Variants in DDIT4L observed in about 807,000 individuals in gnomAD.
DDIT4L encodes DNA damage-inducible transcript 4-like protein.
Under a neutral mutation model 15.9 loss-of-function variants are expected in DDIT4L, and 13 were observed. The ratio of observed to expected loss-of-function variants is 0.82; its 90% CI spans 0.53 to 1.30. DDIT4L has a LOEUF of 1.30. Among genes scored for constraint, DDIT4L ranks in the 50% most tolerant of loss-of-function variants. The pLI, the probability that DDIT4L is intolerant of heterozygous loss-of-function variation, is 0.00. For missense variants in DDIT4L, 235 were observed against 224.8 expected, an observed-to-expected ratio of 1.05 and a Z score of -0.29; for synonymous variants, 82 against 85.4, an observed-to-expected ratio of 0.96 and a Z score of 0.22.
chr4:100,189,421 A>C (rs1416718855), intron 2 of DDIT4L, among the ~76,000 whole-genome samples: 2 of 152,216 alleles, frequency 1.3e-5, no homozygotes, highest in African/African-American at 2.4e-5. Context: ...GCGGGAAAGA[A>C]ACCAGACACA....
chr4:100,189,913 T>A lies in DDIT4L; in HGVS notation c.71A>T (p.His24Leu). ...SISELLDCGY[H>L]PESLLSDFDY... ...CTCACCACTTAGCAGGCTCTCTGGG[T>A]GATAGCCACAGTCCAGCAATTCTGA... The change falls in exon 2 of 3, where the codon CAC (histidine) becomes CTC (leucine). Residue 24 changes from histidine to leucine, a missense_variant. His to Leu is a moderately conservative substitution (Grantham distance 99). Transcript: ENST00000273990. 6.2e-7 allele frequency: 1 copy of A among 1,613,932 alleles called. No homozygotes were observed. Among genetic ancestry groups the A allele is most frequent in the Non-Finnish European group, 8.5e-7 (1 of 1,179,954 alleles).
At position 100,189,881 on chromosome 4, in the gene DDIT4L, G is replaced by T. The variant is rs1461640174; in HGVS notation, c.91+12C>A. The T allele has an allele frequency of 6.2e-6, 10 of 1,613,364 alleles. No individual in the cohort carries two copies. Among genetic ancestry groups the T allele is most frequent in the Non-Finnish European group, 8.5e-6 (10 of 1,179,638 alleles). On this transcript the variant is annotated intron_variant, in intron 2 of 2. Coordinates refer to ENST00000273990, the MANE Select transcript of DDIT4L (RefSeq NM_145244.4). The stretch of plus-strand genomic sequence containing the variant: ...TTGGGAGGGGAGAAGGGTGGACAGC[G>T]GGGACACTCACCACTTAGCAGGCTC...
rs11553154 is a variant in DDIT4L, at chr4:100,187,777, G to A, written c.482C>T (p.Ser161Phe). Residue 161 changes from serine (S) to phenylalanine (F), a missense_variant, in exon 3 of 3, where the codon TCC (serine) becomes TTC (phenylalanine). Ser to Phe is a radical substitution (Grantham distance 155). Coordinates refer to ENST00000273990, the MANE Select transcript of DDIT4L (RefSeq NM_145244.4). ...RDFFFSRGRF[S>F]SGFRRTLILS... ...GATCAGAGTTCTCCTGAAACCAGAGGAGAAGCGACCTCTACTAAAGAAAAA... is the reference window on the plus strand; with the variant it reads ...GATCAGAGTTCTCCTGAAACCAGAGAAGAAGCGACCTCTACTAAAGAAAAA... 14,339 of 1,612,798 alleles carry A rather than the reference G, an allele frequency of 8.9e-3. 102 individuals are homozygous for A. The highest frequency in any genetic ancestry group is 8.6e-3 in the Non-Finnish European group (10,140 of 1,179,796).
rs1457860644 is a variant in DDIT4L at position 100,188,154 on chromosome 4, C to T, written c.105G>A (p.Trp35Ter). 1.2e-6 allele frequency: 2 copies of T among 1,601,592 alleles called. No individual in the cohort carries two copies. Among genetic ancestry groups the T allele is most frequent in the African/African-American group, 2.7e-5 (2 of 74,398 alleles). Residue 35 changes from tryptophan to a stop codon, truncating the protein, a stop_gained, in exon 3 of 3, where the codon TGG becomes TGA. Transcript: ENST00000273990. LOFTEE classifies it high-confidence loss of function. ...GGTTGGGTTCAGGAACAACATAATC[C>T]CAGTAGTCAAAATCTGTAAGAAATG... ...PESLLSDFDY[W>*]DYVVPEPNLN...
chr4:100,190,265 G>T (rs1723494762), intron 1 of DDIT4L, 38 bp downstream of exon 1: 3 of 429,342 alleles, frequency 7.0e-6, no homozygotes, highest in Non-Finnish European at 1.3e-5. Flanking sequence ...AGCGCCCCCC[G>T]GCCCCGCTGC....
Position 100,188,009 on chromosome 4 carries a change from G to T in DDIT4L, c.250C>A (p.Leu84Met). Residue 84 changes from leucine (L) to methionine (M), a missense_variant, in exon 3 of 3, where the codon CTG (leucine) becomes ATG (methionine). Leu to Met is a conservative substitution (Grantham distance 15). Coordinates refer to ENST00000273990, the MANE Select transcript of DDIT4L (RefSeq NM_145244.4). ...ACATCTTGAGCAATTCTCTGGGTCA[G>T]TTTCTCAGGGACAAGGACCTTTGAG... is the stretch of plus-strand genomic sequence containing the variant. ...GCSKVLVPEK[L>M]TQRIAQDVLR... 1 of 1,614,172 alleles carries T rather than the reference G, an allele frequency of 6.2e-7. No homozygotes were observed.
Position 100,189,954 on chromosome 4 carries a change from C to G in DDIT4L, c.30G>C (p.Lys10Asn). 1 of 1,614,162 alleles carries G rather than the reference C, an allele frequency of 6.2e-7. No individual in the cohort carries two copies. Among genetic ancestry groups the G allele is most frequent in the Non-Finnish European group, 8.5e-7 (1 of 1,180,036 alleles). The part of the protein sequence containing the change: MVATGSLSS[K>N]NPASISELLD... ...GCAATTCTGAAATGCTGGCCGGGTT[C>G]TTGCTGCTCAAACTGCCAGTTGCAA... Residue 10 changes from lysine to asparagine, a missense_variant, in exon 2 of 3, where the codon AAG becomes AAC. By Grantham distance (94) the Lys-to-Asn change is moderately conservative. Coordinates refer to ENST00000273990, the MANE Select transcript of DDIT4L (RefSeq NM_145244.4).
At position 100,188,487 on chromosome 4, in the gene DDIT4L, C is replaced by T. The variant is rs146801403; in HGVS notation, c.92-320G>A. Among the ~76,000 whole-genome samples the T allele has an allele frequency of 3.8e-4, 58 of 152,308 alleles. No homozygotes were observed. In the East Asian group the frequency reaches 0.011, roughly 28 times the overall value. On this transcript the variant is annotated intron_variant, in intron 2 of 2. Transcript: ENST00000273990. ...GTGAAGACTATGCATCAAAAATCTA[C>T]TTGTGATTATCCCAGATTATTGGTG...
In DDIT4L at chr4:100,187,962, C is replaced by A; in HGVS notation, c.297G>T (p.Glu99Asp). The A allele has an allele frequency of 6.2e-7, 1 of 1,614,118 alleles. No homozygotes were observed. The highest frequency in any genetic ancestry group is 8.5e-7 in the Non-Finnish European group (1 of 1,180,028). The change falls in exon 3 of 3, where the codon GAG (glutamate) becomes GAT (aspartate). Residue 99 changes from glutamate to aspartate, a missense_variant. By Grantham distance (45) the Glu-to-Asp change is conservative (BLOSUM62 2). Coordinates refer to ENST00000273990, the MANE Select transcript of DDIT4L (RefSeq NM_145244.4). ...AQDVLRLSSTEPCGLRGCVMH... is the reference protein window; with the variant it reads ...AQDVLRLSSTDPCGLRGCVMH... ...TAACACAACCTCGCAAGCCGCAGGG[C>A]TCCGTTGAGGAAAGCCGCAGGACAT...
chr4:100,188,808 T>C (rs567454168), intron 2 of DDIT4L, among the ~76,000 whole-genome samples: 95 of 152,334 alleles, frequency 6.2e-4, no homozygotes, highest in African/African-American at 2.2e-3. Context: ...AATTAAAAAT[T>C]GTGCAGAGAA....
chr4:100,188,684 T>C (rs1031086952), intron 2 of DDIT4L, among the ~76,000 whole-genome samples: 5 of 152,214 alleles, frequency 3.3e-5, no homozygotes, highest in African/African-American at 1.2e-4. Flanking sequence ...TTTACTATTA[T>C]GTTTGAAGAG....
chr4:100,189,676 A>G (rs1171732697), intron 2 of DDIT4L, among the ~76,000 whole-genome samples: 1 of 152,380 alleles, frequency 6.6e-6, no homozygotes, highest in Non-Finnish European at 1.5e-5. Flanking sequence ...TACTGGCACC[A>G]GACTAGAAAG....
chr4:100,189,665 C>T (rs1157442545), intron 2 of DDIT4L, among the ~76,000 whole-genome samples: 3 of 152,318 alleles, frequency 2.0e-5, no homozygotes, highest in Non-Finnish European at 2.9e-5. Flanking sequence ...CCCAAGGGGC[C>T]TACTGGCACC....
Position 100,188,001 on chromosome 4 carries a change from C to T in DDIT4L, c.258G>A (p.Gln86=). The T allele has an allele frequency of 6.2e-7, 1 of 1,614,184 alleles. No homozygotes were observed. The highest frequency in any genetic ancestry group is 8.5e-7 in the Non-Finnish European group (1 of 1,180,048). ...SKVLVPEKLT[Q]RIAQDVLRLS... ...GCCGCAGGACATCTTGAGCAATTCTCTGGGTCAGTTTCTCAGGGACAAGGA... is the reference window on the plus strand; with the variant it reads ...GCCGCAGGACATCTTGAGCAATTCTTTGGGTCAGTTTCTCAGGGACAAGGA... The change falls in exon 3 of 3, where the codon CAG becomes CAA. Residue 86 remains glutamine (Q), a synonymous_variant. Transcript: ENST00000273990.
Position 100,186,192 on chromosome 4 carries a change from T to C in DDIT4L, c.*1485A>G, listed in dbSNP as rs1723417537. 6.6e-6 allele frequency: 1 copy of C among 152,252 alleles called. No homozygotes were observed. The highest frequency in any genetic ancestry group is 1.5e-5 in the Non-Finnish European group (1 of 68,042). 9.4% of individuals were successfully genotyped at this position (152,252 alleles called of 1,614,324 possible). A position where few individuals can be genotyped will look rare whatever the true frequency, so the allele number is the denominator to read the frequency against. On this transcript the variant is annotated 3_prime_UTR_variant, in exon 3 of 3. Transcript: ENST00000273990. ...GCTTTGTAGTATCTTTCCAAGCATT[T>C]GAAGAGTTTAGTTTGTTAGAACACT...
rs1024653292 is a variant in DDIT4L at position 100,190,100 on chromosome 4, T to C, written c.-49-68A>G. The C allele has an allele frequency of 2.4e-5, 22 of 927,550 alleles. No homozygotes were observed. The African/African-American group carries it at 3.4e-4, about 14-fold the overall frequency. The allele number at this position is 927,550 out of a possible 1,614,324, so 57.5% of individuals were successfully genotyped here. A position where few individuals can be genotyped will look rare whatever the true frequency, so the allele number is the denominator to read the frequency against. On this transcript the variant is annotated intron_variant, in intron 1 of 2. Transcript: ENST00000273990. ...GCGAGTCGTGCAGAGGCTCCTAAAATGCCCGGCGTCCCGGGAGCGAACTAG... is the reference window on the plus strand; with the variant it reads ...GCGAGTCGTGCAGAGGCTCCTAAAACGCCCGGCGTCCCGGGAGCGAACTAG...
Position 100,186,849 on chromosome 4 carries a change from C to G in DDIT4L, c.*828G>C, listed in dbSNP as rs971489255. ...ATCAGAGAGGGACTAGATCTCAGAA[C>G]TAATTTCCTATCCTCACAGGTATTC... On this transcript the variant is annotated 3_prime_UTR_variant, in exon 3 of 3. Coordinates refer to ENST00000273990, the MANE Select transcript of DDIT4L (RefSeq NM_145244.4). 1 of 152,194 alleles carries G rather than the reference C, an allele frequency of 6.6e-6. No individual in the cohort carries two copies. Among genetic ancestry groups the G allele is most frequent in the African/African-American group, 2.4e-5 (1 of 41,436 alleles). The allele number at this position is 152,194 out of a possible 1,614,324, so 9.4% of individuals were successfully genotyped here.
At chr4:100,188,948 C>T (rs565811194) in intron 2 of DDIT4L, among the ~76,000 whole-genome samples, 2 of 152,358 alleles carry the variant, frequency 1.3e-5, no homozygotes, top group South Asian at 4.1e-4. Flanking sequence ...CATTTGGTCA[C>T]CTACACCTCA....
At position 100,186,991 on chromosome 4, in the gene DDIT4L, T is replaced by C. The variant is rs1423134411; in HGVS notation, c.*686A>G. The C allele has an allele frequency of 6.6e-6, 1 of 152,236 alleles. No individual in the cohort carries two copies. The highest frequency in any genetic ancestry group is 6.5e-5 in the Admixed American group (1 of 15,284). 9.4% of individuals were successfully genotyped at this position (152,236 alleles called of 1,614,324 possible). A position where few individuals can be genotyped will look rare whatever the true frequency, so the allele number is the denominator to read the frequency against. On this transcript the variant is annotated 3_prime_UTR_variant, in exon 3 of 3. Transcript: ENST00000273990. ...TTAAGAACAGGGGAAACTGAGCTTA[T>C]AAAGGCATCTAAAACAACACCGTGG...
Sources: gnomAD v4.1 joint callset for allele counts (sites outside exome capture counted in the v4.1 genomes callset) on GRCh38, gnomAD v4.1.1 for gene constraint, MANE v1.5 for transcripts, NCBI Gene and HGNC (gene_info 2026-07-23, HGNC 2026-07-21) for gene names.